FAM135B: variants seen among roughly 807,000 people sequenced by gnomAD.
FAM135B encodes family with sequence similarity 135 member B.
A neutral mutation model predicts 127.7 loss-of-function variants in FAM135B; 43 were observed. The ratio of observed to expected loss-of-function variants is 0.34; its 90% CI spans 0.26 to 0.43. The LOEUF (loss-of-function observed/expected upper bound fraction) is 0.43, where lower values mean the gene tolerates loss of function less well. Ranked by LOEUF, FAM135B falls within the 20% of genes least tolerant of loss-of-function variation. The pLI is 1.00. For missense variants in FAM135B, 1,558 were observed against 1,725.6 expected, an observed-to-expected ratio of 0.90 and a Z score of 1.72; for synonymous variants, 670 against 665.1, an observed-to-expected ratio of 1.01 and a Z score of -0.11.
chr8:138,366,889 T>C (rs1198335548), intron 2 of FAM135B, among the ~76,000 whole-genome samples: 1 of 152,182 alleles, frequency 6.6e-6, no homozygotes. Flanking sequence ...ATTCCAAGAC[T>C]GAACAACAGG....
In FAM135B at chr8:138,469,896, C is replaced by G. The variant is rs575784751; in HGVS notation, c.-20+26775G>C. On this transcript the variant is annotated intron_variant, in intron 1 of 19. Coordinates refer to ENST00000395297, the MANE Select transcript of FAM135B (RefSeq NM_015912.4). ...AAATATAATAATAAATGCAAGGCAA[C>G]TAGCACATCGGCTGACATGTATGCA... is the stretch of plus-strand genomic sequence containing the variant. Among the ~76,000 whole-genome samples, 96 of 152,302 alleles carry G rather than the reference C, an allele frequency of 6.3e-4. 1 individual carries two copies. The South Asian group carries it at 0.02, about 31-fold the overall frequency.
intron 2 of FAM135B, among the ~76,000 whole-genome samples, chr8:138,329,834 C>A (rs1377091357): frequency 6.6e-6 from 1 of 152,092 alleles, no homozygotes; most frequent in African/African-American, 2.4e-5. Context: ...AGAAAAAGCC[C>A]TGGGTTCCAT....
At chr8:138,248,342 C>CT (rs765537027) in intron 6 of FAM135B, among the ~76,000 whole-genome samples, 6 of 152,192 alleles carry the variant, frequency 3.9e-5, no homozygotes, top group Non-Finnish European at 5.9e-5. Flanking sequence ...CTGCCACACT[C>CT]TGAGACTTTA....
chr8:138,197,755 C>G (rs2131143192), intron 7 of FAM135B, 86 bp from the exon 8 acceptor site: 1 of 1,418,878 alleles, frequency 7.0e-7, no homozygotes, highest in Non-Finnish European at 9.7e-7. Context: ...CCACCCGCAC[C>G]AACATTCACA....
At chr8:138,219,728 C>T (rs1818874875) in intron 7 of FAM135B, among the ~76,000 whole-genome samples, 1 of 152,074 alleles carries the variant, frequency 6.6e-6, no homozygotes, top group South Asian at 2.1e-4. Context: ...ACTCACTTTA[C>T]CTCCCTCCCC....
At chr8:138,462,184 A>G (rs548809116) in intron 1 of FAM135B, among the ~76,000 whole-genome samples, 2 of 152,236 alleles carry the variant, frequency 1.3e-5, no homozygotes, top group African/African-American at 4.8e-5. Flanking sequence ...AGTATTCCAC[A>G]TATATGTATA....
At chr8:138,133,457 A>G (rs1816366535) in intron 19 of FAM135B, among the ~76,000 whole-genome samples, 1 of 152,194 alleles carries the variant, frequency 6.6e-6, no homozygotes. Context: ...TACGATTCAT[A>G]TCTCCCAGCC....
At chr8:138,357,551 T>C (rs1830169833) in intron 2 of FAM135B, among the ~76,000 whole-genome samples, 1 of 152,150 alleles carries the variant, frequency 6.6e-6, no homozygotes, top group African/African-American at 2.4e-5. Context: ...CATATTTATG[T>C]AATCAGAACT....
chr8:138,423,546 A>C (rs1834654701), intron 1 of FAM135B, among the ~76,000 whole-genome samples: 1 of 152,116 alleles, frequency 6.6e-6, no homozygotes, highest in Admixed American at 6.5e-5. Context: ...AAGGGGAGGG[A>C]GTGTATGAAT....
intron 1 of FAM135B, among the ~76,000 whole-genome samples, chr8:138,390,579 C>T (rs1329914726): frequency 6.6e-6 from 1 of 152,112 alleles, no homozygotes; most frequent in Non-Finnish European, 1.5e-5. Flanking sequence ...TGTCCTATCA[C>T]CACTGTATCT....
At chr8:138,335,402 C>T (rs190600474) in intron 2 of FAM135B, among the ~76,000 whole-genome samples, 1 of 152,068 alleles carries the variant, frequency 6.6e-6, no homozygotes, top group Non-Finnish European at 1.5e-5. Flanking sequence ...CCTAAATAGT[C>T]ATACAAATTA....
At chr8:138,372,024 C>T (rs113443954) in intron 1 of FAM135B, among the ~76,000 whole-genome samples, 3,273 of 152,170 alleles carry the variant, frequency 0.022, 47 homozygotes, top group South Asian at 0.034. Flanking sequence ...ACAGTGATGA[C>T]GGCTCAGGAA....
intron 1 of FAM135B, among the ~76,000 whole-genome samples, chr8:138,478,743 G>A (rs745619326): frequency 1.3e-5 from 2 of 152,208 alleles, no homozygotes; most frequent in Non-Finnish European, 2.9e-5. Flanking sequence ...TTGCCCTTGG[G>A]TGAGTGTTGA....
intron 11 of FAM135B, 64 bp from the exon 12 acceptor site, chr8:138,168,113 C>G (rs1820111980): frequency 3.3e-6 from 5 of 1,516,906 alleles, no homozygotes; most frequent in Non-Finnish European, 3.5e-6. Flanking sequence ...CCGTTGCCCC[C>G]TCTTCCTAAT....
At chr8:138,366,820 G>A (rs1350065809) in intron 2 of FAM135B, among the ~76,000 whole-genome samples, 1 of 152,166 alleles carries the variant, frequency 6.6e-6, no homozygotes, top group Non-Finnish European at 1.5e-5. Context: ...TTTAAAGCTG[G>A]ACTGGCCTTG....
intron 3 of FAM135B, among the ~76,000 whole-genome samples, chr8:138,275,894 A>G (rs1823785536): frequency 6.6e-6 from 1 of 152,170 alleles, no homozygotes; most frequent in Non-Finnish European, 1.5e-5. Context: ...TATAGAATGC[A>G]TGACTGACCA....
chr8:138,155,362 C>T (rs541227498), intron 12 of FAM135B, among the ~76,000 whole-genome samples: 1 of 152,152 alleles, frequency 6.6e-6, no homozygotes, highest in African/African-American at 2.4e-5. Context: ...TAAAGACCAT[C>T]GATGCTGGGA....
At chr8:138,217,384 G>T (rs1048600276) in intron 7 of FAM135B, among the ~76,000 whole-genome samples, 4 of 151,092 alleles carry the variant, frequency 2.6e-5, no homozygotes, top group Non-Finnish European at 5.9e-5. Context: ...AATATCTCTT[G>T]CCTCTAGCCT....
chr8:138,415,959 C>T (rs1475686931), intron 1 of FAM135B, among the ~76,000 whole-genome samples: 1 of 152,168 alleles, frequency 6.6e-6, no homozygotes, highest in Non-Finnish European at 1.5e-5. Flanking sequence ...GTTCTTCCCT[C>T]AATGCCCTTT....
Sources: gnomAD v4.1 joint callset for allele counts (sites outside exome capture counted in the v4.1 genomes callset) on GRCh38, gnomAD v4.1.1 for gene constraint, MANE v1.5 for transcripts, NCBI Gene and HGNC (gene_info 2026-07-23, HGNC 2026-07-21) for gene names.